The following CDHR2 variants were observed in gnomAD, a reference collection of about 807,000 sequenced individuals.
CDHR2 encodes cadherin related family member 2, also known as cadherin-related family member 2.
CDHR2 carries 104 observed loss-of-function variants against 138.6 expected under a neutral mutation model. That is an observed-to-expected ratio of 0.75 (90% confidence interval 0.64 to 0.88). The LOEUF (loss-of-function observed/expected upper bound fraction) is 0.88, where lower values mean the gene tolerates loss of function less well. Among genes scored for constraint, CDHR2 ranks in the 40% least tolerant of loss-of-function variants. CDHR2 has a pLI of 0.00. For synonymous variants in CDHR2, 755 were observed against 742.8 expected, an observed-to-expected ratio of 1.02 and a Z score of -0.27; for missense variants, 1,624 against 1,727.6, an observed-to-expected ratio of 0.94 and a Z score of 1.06.
chr5:176,568,590 G>T lies in CDHR2; in HGVS notation c.125-88G>T, dbSNP rs542492323. 6.1e-6 allele frequency: 9 copies of T among 1,483,372 alleles called. No individual in the cohort carries two copies. The South Asian group carries it at 1.0e-4, about 17-fold the overall frequency. 91.9% of individuals were successfully genotyped at this position (1,483,372 alleles called of 1,614,324 possible). ...TCAAGCCTGTGTACAGGGCAGCCAG[G>T]CGCCCAGCCCAGCCTCACAGCCAGC... is the stretch of plus-strand genomic sequence containing the variant. On this transcript the variant is annotated intron_variant, in intron 3 of 31. Coordinates refer to ENST00000261944, the MANE Select transcript of CDHR2 (RefSeq NM_017675.6).
intron 6 of CDHR2, among the ~76,000 whole-genome samples, chr5:176,571,579 C>T (rs1411467336): frequency 1.3e-5 from 2 of 152,084 alleles, no homozygotes; most frequent in Non-Finnish European, 2.9e-5. Context: ...CTCTGTTGCC[C>T]AGGCTGGAGT....
intron 1 of CDHR2, among the ~76,000 whole-genome samples, chr5:176,551,215 T>C (rs1305549250): frequency 6.6e-6 from 1 of 152,042 alleles, no homozygotes; most frequent in Non-Finnish European, 1.5e-5. Context: ...TCGCCCAGGC[T>C]CCAGTGCAGT....
chr5:176,591,606 G>A, intron 30 of CDHR2, 122 bp downstream of exon 30: 2 of 748,908 alleles, frequency 2.7e-6, no homozygotes, highest in Non-Finnish European at 4.6e-6. Context: ...GGTCATGGTA[G>A]TAGTGGTAGT....
At chr5:176,595,485 G>GC in intron 31 of CDHR2, 47 bp from the exon 32 acceptor site, 2 of 1,519,006 alleles carry the variant, frequency 1.3e-6, no homozygotes. Context: ...TGGGGCACTC[G>GC]CCCCACCTTG....
At chr5:176,581,616 G>A in intron 17 of CDHR2, 34 bp downstream of exon 17, 3 of 1,579,154 alleles carry the variant, frequency 1.9e-6, no homozygotes, top group African/African-American at 1.3e-5. Flanking sequence ...GGGCCTGGGG[G>A]CCTCCCAAGC....
rs555360562 is a variant in CDHR2, at chr5:176,560,629, C to A, written c.-15-4709C>A. The stretch of plus-strand genomic sequence containing the variant: ...ACTATTAGGTGGTACTTTGCGTACT[C>A]GTCTGTAGTCTGTCTCATTCAGAAC... On this transcript the variant is annotated intron_variant, in intron 1 of 31. Transcript: ENST00000261944. Among the ~76,000 whole-genome samples, 9 of 152,346 alleles carry A rather than the reference C, an allele frequency of 5.9e-5. No homozygotes were observed. The South Asian group carries it at 1.9e-3, about 32-fold the overall frequency.
intron 16 of CDHR2, among the ~76,000 whole-genome samples, chr5:176,580,184 A>ACACACT (rs1419078306): frequency 1.3e-5 from 2 of 151,998 alleles, no homozygotes; most frequent in African/African-American, 4.8e-5. Context: ...ACACACTCAC[A>ACACACT]CACGCACTCA....
intron 6 of CDHR2, among the ~76,000 whole-genome samples, chr5:176,572,417 T>TAAATAAATAAATAATA (rs1758259296): frequency 8.8e-6 from 1 of 113,046 alleles, no homozygotes; most frequent in Non-Finnish European, 1.9e-5. Flanking sequence ...AAATAAATAA[T>TAAATAAATAAATAATA]AAAAAAATTA....
chr5:176,561,801 G>T (rs555291224), intron 1 of CDHR2, among the ~76,000 whole-genome samples: 1 of 151,940 alleles, frequency 6.6e-6, no homozygotes, highest in African/African-American at 2.4e-5. Flanking sequence ...CACCTCGCCC[G>T]GCTAATTTTT....
intron 1 of CDHR2, among the ~76,000 whole-genome samples, chr5:176,559,565 T>A (rs1015631575): frequency 6.6e-6 from 1 of 151,388 alleles, no homozygotes; most frequent in Non-Finnish European, 1.5e-5. Context: ...TTCCTTTCCC[T>A]GTTTTCCTTC....
At chr5:176,577,849 C>A in intron 14 of CDHR2, 51 bp downstream of exon 14, 1 of 1,567,146 alleles carries the variant, frequency 6.4e-7, no homozygotes, top group Non-Finnish European at 8.6e-7. Context: ...AGCGGGCGTG[C>A]ATGTGTGAGT....
intron 21 of CDHR2, among the ~76,000 whole-genome samples, chr5:176,587,767 C>G (rs1561880374): frequency 6.6e-6 from 1 of 152,282 alleles, no homozygotes; most frequent in East Asian, 1.9e-4. Context: ...CCACTTAGAG[C>G]CGAGTGTAAG....
At chr5:176,561,805 A>G (rs997563324) in intron 1 of CDHR2, among the ~76,000 whole-genome samples, 2 of 151,740 alleles carry the variant, frequency 1.3e-5, no homozygotes, top group South Asian at 4.2e-4. Flanking sequence ...TCGCCCGGCT[A>G]ATTTTTGTAT....
At chr5:176,557,697 TCTTTC>T (rs1757867997) in intron 1 of CDHR2, among the ~76,000 whole-genome samples, 1 of 146,774 alleles carries the variant, frequency 6.8e-6, no homozygotes, top group Non-Finnish European at 1.5e-5. Flanking sequence ...TTTCTTTCTT[TCTTTC>T]TTTCTTTCTT....
In CDHR2 at chr5:176,553,463, G is replaced by A. The variant is rs150652038; in HGVS notation, c.-16+4049G>A. ...TCCTGTCCTGCAGGCTGGACCCAGG[G>A]GAACTTTGTAATGATGATGAATCCA... On this transcript the variant is annotated intron_variant, in intron 1 of 31. Transcript: ENST00000261944. The surrounding 1 kb of genome is among the most constrained non-coding windows in gnomAD (Gnocchi z 4.3). 0.015 allele frequency among the ~76,000 whole-genome samples: 2,276 copies of A among 152,276 alleles called. 55 individuals carry two copies. Among genetic ancestry groups the A allele is most frequent in the African/African-American group, 0.051 (2,134 of 41,552 alleles).
intron 2 of CDHR2, 103 bp downstream of exon 2, chr5:176,565,507 TGGG>T (rs915328214): frequency 5.3e-6 from 7 of 1,330,584 alleles, no homozygotes; most frequent in African/African-American, 1.5e-5. Context: ...CCAGCTCCTA[TGGG>T]CCAGCCCTGT....
chr5:176,587,448 CA>C (rs919618563), intron 21 of CDHR2, among the ~76,000 whole-genome samples: 159 of 142,458 alleles, frequency 1.1e-3, no homozygotes, highest in African/African-American at 3.8e-3. Flanking sequence ...AACTCTGCCT[CA>C]AAAAAAAATA....
intron 18 of CDHR2, 69 bp downstream of exon 18, chr5:176,584,328 C>G: frequency 6.2e-7 from 1 of 1,613,298 alleles, no homozygotes. Context: ...GGGTGGACCT[C>G]GAGTTCCAAG....
intron 10 of CDHR2, 27 bp downstream of exon 10, chr5:176,575,608 G>A (rs1375825150): frequency 8.1e-6 from 13 of 1,611,690 alleles, no homozygotes; most frequent in Non-Finnish European, 1.0e-5. Flanking sequence ...CCCAGGCCAG[G>A]GCTGGGCCGG....
Sources: allele counts gnomAD v4.1 joint callset (sites outside exome capture counted in the v4.1 genomes callset), GRCh38; gene constraint gnomAD v4.1.1; non-coding constraint Gnocchi (gnomAD v3.1); transcripts MANE v1.5; gene names NCBI Gene and HGNC (gene_info 2026-07-23, HGNC 2026-07-21).